GRM7: variants seen among roughly 807,000 people sequenced by gnomAD.
GRM7 encodes the protein metabotropic glutamate receptor 7.
In GRM7, 35 loss-of-function variants were observed where a neutral mutation model predicts 84.5. The ratio of observed to expected loss-of-function variants is 0.41; its 90% confidence interval spans 0.32 to 0.55. The LOEUF (loss-of-function observed/expected upper bound fraction) is 0.55, where lower values mean the gene tolerates loss of function less well. GRM7 is among the 20% of genes least tolerant of loss of function. The probability of loss-of-function intolerance (pLI) is 0.19; values close to 1 mark genes in which losing one functional copy is unlikely to be tolerated. For missense variants in GRM7, 1,003 were observed against 1,194.6 expected (o/e 0.84, Z 2.36); for synonymous variants, 487 against 455.1 (o/e 1.07, Z -0.89).
At position 7,061,496 on chromosome 3, in the gene GRM7, CTGTT is replaced by C. The variant is rs1231355613; in HGVS notation, c.520-84952_520-84949del. 7.9e-5 allele frequency among the ~76,000 whole-genome samples: 12 copies of C among 151,810 alleles called. No individual in the cohort carries two copies. In the South Asian group the frequency reaches 2.3e-3, roughly 29 times the overall value. On this transcript the variant is annotated intron_variant, in intron 1 of 9. Transcript: ENST00000357716. ...AGCTGGTGTTCAAACCCGGAGTTGA[CTGTT>C]TGTAGCCATTGTACCTAGCAATTAA...
At chr3:7,450,916 A>C (rs1697739538) in intron 5 of GRM7, among the ~76,000 whole-genome samples, 1 of 150,040 alleles carries the variant, frequency 6.7e-6, no homozygotes, top group African/African-American at 2.5e-5. Context: ...CTTGGAGGTT[A>C]CATTTTATGT....
At chr3:7,258,481 T>A (rs1014337102) in intron 2 of GRM7, among the ~76,000 whole-genome samples, 1 of 152,168 alleles carries the variant, frequency 6.6e-6, no homozygotes, top group Admixed American at 6.5e-5. Context: ...AGAGCACACA[T>A]CTTTGTTAAA....
At chr3:7,645,646 A>G (rs1698601027) in intron 8 of GRM7, among the ~76,000 whole-genome samples, 1 of 151,866 alleles carries the variant, frequency 6.6e-6, no homozygotes, top group African/African-American at 2.4e-5. Flanking sequence ...TCTATGAGCC[A>G]CAGAGTCATA....
chr3:7,458,284 C>A (rs1306145077), intron 6 of GRM7, among the ~76,000 whole-genome samples: 1 of 152,138 alleles, frequency 6.6e-6, no homozygotes, highest in African/African-American at 2.4e-5. Context: ...CCTAGTGTAC[C>A]TGCATCTTGG....
intron 2 of GRM7, among the ~76,000 whole-genome samples, chr3:7,150,047 ATATGTG>A (rs1033778388): frequency 6.6e-6 from 1 of 151,722 alleles, no homozygotes; most frequent in Non-Finnish European, 1.5e-5. Context: ...TGTATGTAGA[ATATGTG>A]TATGTGTATA....
At chr3:7,428,827 C>T (rs1253339472) in intron 5 of GRM7, among the ~76,000 whole-genome samples, 2 of 152,154 alleles carry the variant, frequency 1.3e-5, no homozygotes, top group Non-Finnish European at 2.9e-5. Context: ...ATGAAACATA[C>T]ACACTATATC....
intron 4 of GRM7, among the ~76,000 whole-genome samples, chr3:7,358,183 G>T (rs1693493607): frequency 6.6e-6 from 1 of 152,108 alleles, no homozygotes; most frequent in African/African-American, 2.4e-5. Flanking sequence ...AAGGAAGCAA[G>T]TCTATAAAGA....
At chr3:7,404,775 C>T (rs1695602331) in intron 4 of GRM7, among the ~76,000 whole-genome samples, 1 of 151,694 alleles carries the variant, frequency 6.6e-6, no homozygotes, top group Non-Finnish European at 1.5e-5. Flanking sequence ...AAGTTCTGAA[C>T]TCTTTTGAGT....
intron 1 of GRM7, among the ~76,000 whole-genome samples, chr3:7,072,412 T>G (rs777600002): frequency 6.6e-6 from 1 of 152,168 alleles, no homozygotes; most frequent in Non-Finnish European, 1.5e-5. Flanking sequence ...CCAGGTGTTG[T>G]GGCTCATGCC....
intron 7 of GRM7, among the ~76,000 whole-genome samples, chr3:7,487,915 C>T (rs999227882): frequency 6.6e-6 from 1 of 152,160 alleles, no homozygotes; most frequent in Non-Finnish European, 1.5e-5. Flanking sequence ...ACAACCCTAA[C>T]CTTTGAGAGC....
intron 1 of GRM7, among the ~76,000 whole-genome samples, chr3:7,016,707 C>G (rs1363835274): frequency 1.3e-5 from 2 of 152,120 alleles, no homozygotes; most frequent in Non-Finnish European, 2.9e-5. Context: ...AATAAAACCA[C>G]CTTTATTAAA....
At chr3:7,174,018 A>G (rs772872532) in intron 2 of GRM7, among the ~76,000 whole-genome samples, 1 of 152,194 alleles carries the variant, frequency 6.6e-6, no homozygotes, top group Non-Finnish European at 1.5e-5. Context: ...GAATGCCCAC[A>G]GTAAGAGAGA....
chr3:7,700,923 A>G (rs1051424033), intron 9 of GRM7, among the ~76,000 whole-genome samples: 1 of 152,342 alleles, frequency 6.6e-6, no homozygotes, highest in African/African-American at 2.4e-5. Context: ...CCTTCCCTTC[A>G]TAAGTGAAAA....
At chr3:7,418,225 C>T (rs1010362155) in intron 5 of GRM7, among the ~76,000 whole-genome samples, 1 of 152,190 alleles carries the variant, frequency 6.6e-6, no homozygotes, top group African/African-American at 2.4e-5. Flanking sequence ...ATGTGACAAT[C>T]TGAGAGCTAG....
chr3:7,473,957 A>T (rs1253973524), intron 7 of GRM7, among the ~76,000 whole-genome samples: 1 of 152,188 alleles, frequency 6.6e-6, no homozygotes, highest in Non-Finnish European at 1.5e-5. Flanking sequence ...CATGCTATTT[A>T]GCTGGGTGAT....
chr3:6,904,807 A>G (rs1696510360), intron 1 of GRM7, among the ~76,000 whole-genome samples: 1 of 151,156 alleles, frequency 6.6e-6, no homozygotes, highest in Non-Finnish European at 1.5e-5. Flanking sequence ...TGCAGCCTTT[A>G]CCTCCTGAGC....
intron 7 of GRM7, among the ~76,000 whole-genome samples, chr3:7,558,986 C>G (rs1451640261): frequency 6.6e-6 from 1 of 152,042 alleles, no homozygotes; most frequent in South Asian, 2.1e-4. Context: ...TCAATTAACC[C>G]TAATAGAATT....
At chr3:6,983,180 T>A (rs1559366590) in intron 1 of GRM7, among the ~76,000 whole-genome samples, 1 of 152,232 alleles carries the variant, frequency 6.6e-6, no homozygotes, top group Non-Finnish European at 1.5e-5. Context: ...CTGGAAAATT[T>A]AGGCACAACC....
chr3:7,600,739 G>A (rs1295984433), intron 8 of GRM7, among the ~76,000 whole-genome samples: 1 of 152,098 alleles, frequency 6.6e-6, no homozygotes, highest in Non-Finnish European at 1.5e-5. Flanking sequence ...TTATAATTGA[G>A]TGTACAGCAT....
Sources: gnomAD v4.1 joint callset for allele counts (sites outside exome capture counted in the v4.1 genomes callset) on GRCh38, gnomAD v4.1.1 for gene constraint, MANE v1.5 for transcripts, NCBI Gene and HGNC (gene_info 2026-07-23, HGNC 2026-07-21) for gene names.